Variants in HTR7 observed in about 807,000 individuals in gnomAD.
HTR7 encodes the protein 5-HT-7.
HTR7 carries 16 observed loss-of-function variants against 34.0 expected under a neutral mutation model. That is an observed-to-expected ratio of 0.47 (90% confidence interval 0.32 to 0.71). The LOEUF (loss-of-function observed/expected upper bound fraction) is 0.71. Ranked by LOEUF, HTR7 falls within the 30% of genes least tolerant of loss-of-function variation. The probability of loss-of-function intolerance (pLI) is 0.04; values close to 1 mark genes in which losing one functional copy is unlikely to be tolerated. For synonymous variants in HTR7, 265 were observed against 260.2 expected, an observed-to-expected ratio of 1.02 and a Z score of -0.18; for missense variants, 504 against 625.5, an observed-to-expected ratio of 0.81 and a Z score of 2.07.
In HTR7 at chr10:90,844,725, T is replaced by TAAAA. The variant is rs1564701422; in HGVS notation, c.539+12407_539+12408insTTTT. Among the ~76,000 whole-genome samples, 20 of 27,796 alleles carry TAAAA rather than the reference T, an allele frequency of 7.2e-4. 7 individuals carry two copies. The highest frequency in any genetic ancestry group is 2.3e-3 in the Admixed American group (5 of 2,162). 18.2% of individuals were successfully genotyped at this position (27,796 alleles called of 152,430 possible). On this transcript the variant is annotated intron_variant, in intron 1 of 3. Coordinates refer to ENST00000336152, the MANE Select transcript of HTR7 (RefSeq NM_019859.4). Reference sequence around the variant, plus strand: ...CTGGGCAACAGAATGAGACTCCGTCTCAAAAAAAAAAAAAAAAAAAAAAAA... The same window carrying TAAAA: ...CTGGGCAACAGAATGAGACTCCGTCTAAAACAAAAAAAAAAAAAAAAAAAAAAAA...
Position 90,749,238 on chromosome 10 carries a change from A to T in HTR7, c.896T>A (p.Val299Glu), listed in dbSNP as rs1443272431. The T allele has an allele frequency of 1.2e-6, 2 of 1,613,696 alleles. No individual in the cohort carries two copies. The highest frequency in any genetic ancestry group is 2.7e-5 in the African/African-American group (2 of 74,808). ...TCTCGAAAGGTTTGCACACTCTTCC[A>T]CCTCCTTCTGGAGCTTCACTATGCC... ...LNGIVKLQKE[V>E]EECANLSRLL... is the part of the protein sequence containing the mutation. The change falls in exon 2 of 4, where the codon GTG (valine) becomes GAG (glutamate). Residue 299 changes from valine to glutamate, a missense_variant. Around this residue, in one of 4 missense-constraint regions of HTR7, gnomAD observed 57 missense variants for 47.5 expected, o/e 1.20. Coordinates refer to ENST00000336152, the MANE Select transcript of HTR7 (RefSeq NM_019859.4). The surrounding 1 kb of genome is among the most constrained non-coding windows in gnomAD (Gnocchi z 4.2).
intron 1 of HTR7, among the ~76,000 whole-genome samples, chr10:90,761,590 T>G (rs1448029435): frequency 3.3e-5 from 5 of 151,730 alleles, no homozygotes; most frequent in Non-Finnish European, 7.4e-5. Flanking sequence ...CTATGTGAGG[T>G]AACACATCTA....
At chr10:90,841,167 C>G (rs1192301631) in intron 1 of HTR7, among the ~76,000 whole-genome samples, 1 of 152,196 alleles carries the variant, frequency 6.6e-6, no homozygotes, top group Non-Finnish European at 1.5e-5. Context: ...ATCTGTAAAA[C>G]AGCGATAATA....
intron 1 of HTR7, among the ~76,000 whole-genome samples, chr10:90,832,777 G>A (rs950758389): frequency 6.6e-6 from 1 of 152,138 alleles, no homozygotes; most frequent in Non-Finnish European, 1.5e-5. Flanking sequence ...CAGAACATTC[G>A]CCATCCCAGG....
intron 1 of HTR7, among the ~76,000 whole-genome samples, chr10:90,802,996 C>CTTTTTTTTT (rs35715510): frequency 6.2e-4 from 55 of 89,000 alleles, no homozygotes; most frequent in Non-Finnish European, 7.8e-4. Flanking sequence ...CATTTGTGGC[C>CTTTTTTTTT]TTTTTTTTTT....
At chr10:90,759,073 G>A (rs1367222909) in intron 1 of HTR7, among the ~76,000 whole-genome samples, 1 of 151,888 alleles carries the variant, frequency 6.6e-6, no homozygotes, top group Admixed American at 6.6e-5. Flanking sequence ...TGTCATCCCA[G>A]CTACTCGGGA....
At chr10:90,774,409 G>A (rs757708193) in intron 1 of HTR7, among the ~76,000 whole-genome samples, 24 of 152,006 alleles carry the variant, frequency 1.6e-4, no homozygotes, top group Admixed American at 3.3e-4. Context: ...TGTTAATTAC[G>A]TCACCAGCTT....
chr10:90,850,914 CAT>C (rs1201961161), intron 1 of HTR7, among the ~76,000 whole-genome samples: 1 of 152,040 alleles, frequency 6.6e-6, no homozygotes, highest in African/African-American at 2.4e-5. Context: ...GTCTACAATA[CAT>C]ATGTTTGAAG....
chr10:90,856,492 A>C (rs1053204127), intron 1 of HTR7, among the ~76,000 whole-genome samples: 1 of 152,204 alleles, frequency 6.6e-6, no homozygotes, highest in African/African-American at 2.4e-5. Context: ...AAGGTTCCCA[A>C]GGGCTATGAT....
intron 1 of HTR7, among the ~76,000 whole-genome samples, chr10:90,833,436 A>C (rs1237365005): frequency 6.6e-6 from 1 of 152,234 alleles, no homozygotes; most frequent in Admixed American, 6.5e-5. Flanking sequence ...TAACCTGATT[A>C]AATTATCTAA....
chr10:90,836,961 C>T (rs1399412786), intron 1 of HTR7, among the ~76,000 whole-genome samples: 1 of 152,214 alleles, frequency 6.6e-6, no homozygotes, highest in East Asian at 1.9e-4. Context: ...ATCCTATCCC[C>T]TGTCTTCTAC....
At chr10:90,768,784 A>T (rs559176362) in intron 1 of HTR7, among the ~76,000 whole-genome samples, 4 of 152,240 alleles carry the variant, frequency 2.6e-5, no homozygotes, top group African/African-American at 7.2e-5. Context: ...CCACCAATCA[A>T]GGACAAAATG....
rs1412389111 is a variant in HTR7 at position 90,749,209 on chromosome 10, G to A, written c.925C>T (p.Leu309Phe). Reference sequence around the variant, plus strand: ...GAGATGTTTTTCCTTTCATGCTTGAGGAGTCTCGAAAGGTTTGCACACTCT... The same window carrying A: ...GAGATGTTTTTCCTTTCATGCTTGAAGAGTCTCGAAAGGTTTGCACACTCT... ...VEECANLSRL[L>F]KHERKNISIF... Residue 309 changes from leucine (L) to phenylalanine (F), a missense_variant, in exon 2 of 4, where the codon CTC becomes TTC. Leu to Phe is a conservative substitution (Grantham distance 22). Coordinates refer to ENST00000336152, the MANE Select transcript of HTR7 (RefSeq NM_019859.4). The surrounding 1 kb of genome is among the most constrained non-coding windows in gnomAD (Gnocchi z 4.2). 3.1e-6 allele frequency: 5 copies of A among 1,614,074 alleles called. No homozygotes were observed. The highest frequency in any genetic ancestry group is 4.2e-6 in the Non-Finnish European group (5 of 1,180,006).
chr10:90,743,559 C>T, intron 3 of HTR7, 34 bp downstream of exon 3: 4 of 1,519,782 alleles, frequency 2.6e-6, no homozygotes, highest in South Asian at 2.2e-5. Context: ...GACCACAGCA[C>T]TATCTCCAAA....
chr10:90,852,724 T>C (rs1243995602), intron 1 of HTR7, among the ~76,000 whole-genome samples: 3 of 152,164 alleles, frequency 2.0e-5, no homozygotes, highest in South Asian at 4.1e-4. Context: ...AGACATTATG[T>C]TGAGAAATAG....
At chr10:90,797,665 G>C (rs1359938109) in intron 1 of HTR7, among the ~76,000 whole-genome samples, 1 of 152,150 alleles carries the variant, frequency 6.6e-6, no homozygotes, top group Admixed American at 6.6e-5. Context: ...ATGTGATCTT[G>C]AGTAAACTGT....
intron 1 of HTR7, among the ~76,000 whole-genome samples, chr10:90,848,175 T>C (rs1846441038): frequency 6.7e-6 from 1 of 149,268 alleles, no homozygotes; most frequent in South Asian, 2.1e-4. Flanking sequence ...TTCAAGCGAT[T>C]CTCCTGCCTC....
chr10:90,816,939 T>C (rs1355003305), intron 1 of HTR7, among the ~76,000 whole-genome samples: 1 of 152,262 alleles, frequency 6.6e-6, no homozygotes, highest in Non-Finnish European at 1.5e-5. Context: ...TAAACATTGA[T>C]GAGTGCCTGC....
At chr10:90,797,011 CA>C (rs775895700) in intron 1 of HTR7, among the ~76,000 whole-genome samples, 2,508 of 95,062 alleles carry the variant, frequency 0.026, 71 homozygotes, top group African/African-American at 0.083. Flanking sequence ...GACTCCGTCT[CA>C]AAAAAAAAAA....
Sources: gnomAD v4.1 joint callset for allele counts (sites outside exome capture counted in the v4.1 genomes callset) on GRCh38, gnomAD v4.1.1 for gene constraint, gnomAD v4.1.1 regional missense constraint, Gnocchi (gnomAD v3.1) non-coding constraint, MANE v1.5 for transcripts, NCBI Gene and HGNC (gene_info 2026-07-23, HGNC 2026-07-21) for gene names.